Variants in RFX3 observed in about 807,000 individuals in gnomAD.
RFX3 encodes transcription factor RFX3.
RFX3 carries 14 observed loss-of-function variants against 98.6 expected under a neutral mutation model. That is an observed-to-expected ratio of 0.14 (90% CI 0.09 to 0.22). RFX3 has a LOEUF of 0.22. Among genes scored for constraint, RFX3 ranks in the 10% least tolerant of loss-of-function variants. The pLI, the probability that RFX3 is intolerant of heterozygous loss-of-function variation, is 1.00. For synonymous variants in RFX3, 383 were observed against 328.4 expected (o/e 1.17, Z -1.80); for missense variants, 639 against 926.9 (o/e 0.69, Z 4.03).
chr9:3,392,038 T>C (rs1302676400), intron 2 of RFX3, among the ~76,000 whole-genome samples: 1 of 152,108 alleles, frequency 6.6e-6, no homozygotes. Context: ...GTTGGACAAG[T>C]CTTCTTAAAA....
chr9:3,485,326 G>A (rs540445194), intron 1 of RFX3, among the ~76,000 whole-genome samples: 4 of 152,142 alleles, frequency 2.6e-5, no homozygotes, highest in African/African-American at 9.6e-5. Flanking sequence ...TCTGTGCCAG[G>A]CACTGGATTA....
intron 9 of RFX3, among the ~76,000 whole-genome samples, chr9:3,273,606 G>A (rs963075634): frequency 6.6e-6 from 1 of 152,150 alleles, no homozygotes; most frequent in Non-Finnish European, 1.5e-5. Context: ...GCTCATGCCT[G>A]TAATCCCAGC....
chr9:3,462,064 C>T (rs913045078), intron 1 of RFX3, among the ~76,000 whole-genome samples: 1 of 151,870 alleles, frequency 6.6e-6, no homozygotes, highest in Non-Finnish European at 1.5e-5. Flanking sequence ...ACGGAACATT[C>T]CCCAACTCAT....
At chr9:3,456,282 G>A (rs1267431800) in intron 1 of RFX3, among the ~76,000 whole-genome samples, 1 of 152,118 alleles carries the variant, frequency 6.6e-6, no homozygotes, top group Admixed American at 6.5e-5. Context: ...AACTTTCCAG[G>A]TCTCTTCATA....
chr9:3,470,439 C>T (rs1374153869), intron 1 of RFX3, among the ~76,000 whole-genome samples: 2 of 151,708 alleles, frequency 1.3e-5, no homozygotes, highest in African/African-American at 4.8e-5. Context: ...CTTAGCCTCC[C>T]GAGTAGCTGG....
At chr9:3,251,798 C>G (rs1821440933) in intron 14 of RFX3, among the ~76,000 whole-genome samples, 1 of 151,918 alleles carries the variant, frequency 6.6e-6, no homozygotes, top group Admixed American at 6.6e-5. Context: ...CAGAATGAGT[C>G]TTTCTTTATA....
chr9:3,380,860 C>T (rs192588802), intron 2 of RFX3, among the ~76,000 whole-genome samples: 143 of 152,178 alleles, frequency 9.4e-4, no homozygotes, highest in Non-Finnish European at 1.9e-3. Context: ...TATTTTTATA[C>T]TGAACATTTT....
chr9:3,512,407 A>G (rs1817744350), intron 1 of RFX3, among the ~76,000 whole-genome samples: 2 of 151,980 alleles, frequency 1.3e-5, no homozygotes, highest in South Asian at 2.1e-4. Context: ...TTTTAGGAAT[A>G]TATACATTTA....
intron 2 of RFX3, among the ~76,000 whole-genome samples, chr9:3,370,658 G>A (rs1003696219): frequency 6.6e-6 from 1 of 151,926 alleles, no homozygotes; most frequent in Non-Finnish European, 1.5e-5. Flanking sequence ...ATAATAAACT[G>A]CATAAATTGA....
At chr9:3,342,851 T>C (rs531131030) in intron 3 of RFX3, among the ~76,000 whole-genome samples, 9 of 152,146 alleles carry the variant, frequency 5.9e-5, no homozygotes, top group African/African-American at 1.9e-4. Context: ...GAAAAACTAC[T>C]GCAAGGAAAT....
intron 15 of RFX3, among the ~76,000 whole-genome samples, chr9:3,236,418 G>A (rs555152114): frequency 1.3e-5 from 2 of 152,310 alleles, no homozygotes; most frequent in South Asian, 4.1e-4. Context: ...GCAGTCCTAA[G>A]CTCCATATCC....
intron 4 of RFX3, 63 bp downstream of exon 4, chr9:3,330,196 A>T (rs1832427313): frequency 6.5e-7 from 1 of 1,540,506 alleles, no homozygotes; most frequent in African/African-American, 1.4e-5. Flanking sequence ...CCCTCTATCA[A>T]AGGAAATGTT....
At chr9:3,384,927 T>A (rs1839549563) in intron 2 of RFX3, among the ~76,000 whole-genome samples, 1 of 152,142 alleles carries the variant, frequency 6.6e-6, no homozygotes. Context: ...CACTGTTACC[T>A]CTATTCCTCA....
chr9:3,221,323 G>A lies in RFX3; in HGVS notation c.*3719C>T, dbSNP rs776250861. On this transcript the variant is annotated 3_prime_UTR_variant, in exon 17 of 17. Transcript: ENST00000617270. Reference sequence around the variant, plus strand: ...AGTGCATTCATATAAAAAGATTCATGATTACGGCACTAAAACCGTATTCAT... The same window carrying A: ...AGTGCATTCATATAAAAAGATTCATAATTACGGCACTAAAACCGTATTCAT... 2.6e-5 allele frequency: 4 copies of A among 152,074 alleles called. No homozygotes were observed. The highest frequency in any genetic ancestry group is 4.4e-5 in the Non-Finnish European group (3 of 68,008). The allele number at this position is 152,074 out of a possible 1,614,324, so 9.4% of individuals were successfully genotyped here.
chr9:3,444,985 G>A (rs1251358104), intron 1 of RFX3, among the ~76,000 whole-genome samples: 1 of 152,140 alleles, frequency 6.6e-6, no homozygotes, highest in East Asian at 1.9e-4. Context: ...GATCTTTAAT[G>A]CCACTTATTA....
At chr9:3,368,163 T>G (rs992938047) in intron 2 of RFX3, among the ~76,000 whole-genome samples, 2 of 152,124 alleles carry the variant, frequency 1.3e-5, no homozygotes, top group African/African-American at 4.8e-5. Flanking sequence ...TTTCTAAAAC[T>G]TATCATACTC....
At chr9:3,454,983 T>C (rs934818201) in intron 1 of RFX3, among the ~76,000 whole-genome samples, 13 of 152,170 alleles carry the variant, frequency 8.5e-5, no homozygotes, top group African/African-American at 2.9e-4. Context: ...AGAACTGAAT[T>C]CCACTTTCCC....
chr9:3,348,668 C>T (rs1476848430), intron 2 of RFX3, among the ~76,000 whole-genome samples: 1 of 151,946 alleles, frequency 6.6e-6, no homozygotes, highest in Admixed American at 6.6e-5. Context: ...CTTTATCCCC[C>T]AGTACCCTCC....
At chr9:3,461,746 T>C (rs1015948477) in intron 1 of RFX3, among the ~76,000 whole-genome samples, 1 of 151,984 alleles carries the variant, frequency 6.6e-6, no homozygotes, top group African/African-American at 2.4e-5. Context: ...TATTTTCATA[T>C]GTCATATCTA....
Sources: gnomAD v4.1 joint callset for allele counts (sites outside exome capture counted in the v4.1 genomes callset) on GRCh38, gnomAD v4.1.1 for gene constraint, MANE v1.5 for transcripts, NCBI Gene and HGNC (gene_info 2026-07-23, HGNC 2026-07-21) for gene names.